The following PRTFDC1 variants were observed in gnomAD, a reference collection of about 807,000 sequenced individuals.
PRTFDC1 encodes phosphoribosyltransferase domain-containing protein 1.
PRTFDC1 carries 38 observed loss-of-function variants against 34.6 expected under a neutral mutation model. The ratio of observed to expected loss-of-function variants is 1.10; its 90% CI spans 0.85 to 1.44. PRTFDC1 has a LOEUF of 1.44. Among genes scored for constraint, PRTFDC1 ranks in the 40% most tolerant of loss-of-function variants. The probability of loss-of-function intolerance (pLI) is 0.00; values close to 1 mark genes in which losing one functional copy is unlikely to be tolerated. For missense variants in PRTFDC1, 270 were observed against 283.0 expected (o/e 0.95, Z 0.33); for synonymous variants, 93 against 98.1 (o/e 0.95, Z 0.31).
At chr10:24,888,198 C>T (rs888044664) in intron 3 of PRTFDC1, among the ~76,000 whole-genome samples, 9 of 152,064 alleles carry the variant, frequency 5.9e-5, no homozygotes, top group African/African-American at 2.2e-4. Context: ...GAAAGCAGCT[C>T]GAGGATAGGG....
chr10:24,944,588 G>C (rs935621911), intron 1 of PRTFDC1, among the ~76,000 whole-genome samples: 13 of 152,142 alleles, frequency 8.5e-5, no homozygotes, highest in African/African-American at 2.2e-4. Flanking sequence ...TTAGAGATCA[G>C]CCTGAGCAAC....
intron 3 of PRTFDC1, among the ~76,000 whole-genome samples, chr10:24,880,418 T>TTTG (rs954894549): frequency 2.6e-5 from 4 of 152,012 alleles, no homozygotes. Context: ...AGCTAAATTT[T>TTTG]TTGTTGTTGT....
chr10:24,905,701 C>T (rs1848523245), intron 3 of PRTFDC1, among the ~76,000 whole-genome samples: 2 of 152,076 alleles, frequency 1.3e-5, no homozygotes, highest in Non-Finnish European at 1.5e-5. Flanking sequence ...TCAGTGATGG[C>T]ACATTATCCA....
At chr10:24,853,697 T>C (rs575739645) in intron 7 of PRTFDC1, among the ~76,000 whole-genome samples, 5 of 152,256 alleles carry the variant, frequency 3.3e-5, no homozygotes, top group African/African-American at 7.2e-5. Context: ...AATCCTTCCA[T>C]TAGGCAGGGC....
intron 8 of PRTFDC1, 108 bp downstream of exon 8, chr10:24,851,280 T>C: frequency 1.4e-6 from 2 of 1,452,384 alleles, no homozygotes; most frequent in Non-Finnish European, 1.8e-6. Flanking sequence ...ACTCCTGACA[T>C]AGAAGATACT....
At chr10:24,906,384 G>C (rs1328847521) in intron 3 of PRTFDC1, among the ~76,000 whole-genome samples, 1 of 152,168 alleles carries the variant, frequency 6.6e-6, no homozygotes, top group Non-Finnish European at 1.5e-5. Context: ...TGGACCCCCA[G>C]CTTACGAGGA....
intron 3 of PRTFDC1, among the ~76,000 whole-genome samples, chr10:24,888,677 G>C (rs1565267136): frequency 1.3e-5 from 2 of 152,136 alleles, no homozygotes; most frequent in African/African-American, 4.8e-5. Context: ...TATTTACTGG[G>C]TTCACATTTT....
At chr10:24,921,385 G>T (rs1443298616) in intron 3 of PRTFDC1, among the ~76,000 whole-genome samples, 1 of 152,114 alleles carries the variant, frequency 6.6e-6, no homozygotes, top group African/African-American at 2.4e-5. Context: ...GAGGTCTATA[G>T]GGCACCAAAG....
intron 4 of PRTFDC1, among the ~76,000 whole-genome samples, chr10:24,863,018 C>T (rs915445652): frequency 6.6e-6 from 1 of 152,038 alleles, no homozygotes; most frequent in African/African-American, 2.4e-5. Flanking sequence ...GCTGGGATTA[C>T]AGGTGCACGC....
chr10:24,859,825 G>GA (rs1847646770), intron 4 of PRTFDC1, among the ~76,000 whole-genome samples: 1 of 152,172 alleles, frequency 6.6e-6, no homozygotes, highest in Admixed American at 6.5e-5. Flanking sequence ...CGCATTGCCA[G>GA]AAACTAGCAT....
chr10:24,926,617 G>A lies in PRTFDC1; in HGVS notation c.339+10567C>T, dbSNP rs908540005. Among the ~76,000 whole-genome samples, 17 of 152,188 alleles carry A rather than the reference G, an allele frequency of 1.1e-4. No homozygotes were observed. The East Asian group carries it at 1.5e-3, about 14-fold the overall frequency. ...GCCTGTCTCGGCCTCCCAAAGTGCC[G>A]GGATTACAGGCATGAGCCACTGCGT... On this transcript the variant is annotated intron_variant, in intron 3 of 8. Coordinates refer to ENST00000320152, the MANE Select transcript of PRTFDC1 (RefSeq NM_020200.7).
intron 1 of PRTFDC1, among the ~76,000 whole-genome samples, chr10:24,949,744 T>TTA (rs1564322961): frequency 5.4e-5 from 7 of 130,584 alleles, no homozygotes; most frequent in African/African-American, 1.7e-4. Flanking sequence ...TATTTATTTT[T>TTA]TTTTTTTTTT....
rs117771131 is a variant in PRTFDC1 at position 24,899,101 on chromosome 10, C to A, written c.340-27038G>T. 5.5e-3 allele frequency among the ~76,000 whole-genome samples: 839 copies of A among 152,198 alleles called. 3 individuals are homozygous for A. Among genetic ancestry groups the A allele is most frequent in the Non-Finnish European group, 8.9e-3 (608 of 68,006 alleles). ...AGTCTATGGCACTTTGTTACAGCAGCCCAAACGGACTAAAATACCTACCCT... is the reference window on the plus strand; with the variant it reads ...AGTCTATGGCACTTTGTTACAGCAGACCAAACGGACTAAAATACCTACCCT... On this transcript the variant is annotated intron_variant, in intron 3 of 8. Transcript: ENST00000320152.
intron 3 of PRTFDC1, among the ~76,000 whole-genome samples, chr10:24,923,958 A>T (rs1427686322): frequency 6.6e-6 from 1 of 152,222 alleles, no homozygotes; most frequent in Admixed American, 6.5e-5. Context: ...AAGAACTTAA[A>T]TGACCTGATG....
In PRTFDC1 at chr10:24,858,440, G is replaced by A. The variant is rs764079623; in HGVS notation, c.406-31C>T. 1.1e-5 allele frequency: 17 copies of A among 1,610,482 alleles called. No individual in the cohort carries two copies. The South Asian group carries it at 1.9e-4, about 18-fold the overall frequency. On this transcript the variant is annotated intron_variant, in intron 4 of 8. Transcript: ENST00000320152. ...ATAAACAAAACCCATATTTTAGAAT[G>A]TGATGCCAATCTGACTCACAGGATA...
At chr10:24,943,856 T>C (rs73606594) in intron 1 of PRTFDC1, among the ~76,000 whole-genome samples, 7,237 of 152,040 alleles carry the variant, frequency 0.048, 444 homozygotes, top group African/African-American at 0.14. Context: ...CTGGCCTCAG[T>C]TTCCCATTCT....
At chr10:24,867,021 A>AAAGT (rs1847791649) in intron 4 of PRTFDC1, among the ~76,000 whole-genome samples, 1 of 151,834 alleles carries the variant, frequency 6.6e-6, no homozygotes, top group Non-Finnish European at 1.5e-5. Context: ...AGAAAGAAAG[A>AAAGT]AAAAGAGAGA....
At chr10:24,923,428 C>T (rs1272652818) in intron 3 of PRTFDC1, among the ~76,000 whole-genome samples, 1 of 152,138 alleles carries the variant, frequency 6.6e-6, no homozygotes, top group Non-Finnish European at 1.5e-5. Context: ...AGGTGGGTGC[C>T]CTTCTGGAAT....
At chr10:24,945,143 T>C (rs960913260) in intron 1 of PRTFDC1, among the ~76,000 whole-genome samples, 1 of 152,212 alleles carries the variant, frequency 6.6e-6, no homozygotes, top group Non-Finnish European at 1.5e-5. Context: ...ATAGCCTGTT[T>C]TACCACTGGA....
Sources: allele counts gnomAD v4.1 joint callset (sites outside exome capture counted in the v4.1 genomes callset), GRCh38; gene constraint gnomAD v4.1.1; transcripts MANE v1.5; gene names NCBI Gene and HGNC (gene_info 2026-07-23, HGNC 2026-07-21).